The following SPRY3 variants were observed in gnomAD, a reference collection of about 807,000 sequenced individuals.
SPRY3 encodes sprouty RTK signaling antagonist 3, also known as protein sprouty homolog 3.
In SPRY3, 15 loss-of-function variants were observed where a neutral mutation model predicts 20.2. The ratio of observed to expected loss-of-function variants is 0.74; its 90% CI spans 0.50 to 1.14. The LOEUF (loss-of-function observed/expected upper bound fraction) is 1.14. Ranked by LOEUF, SPRY3 falls within the 50% of genes most tolerant of loss-of-function variation. The pLI is 0.00. For missense variants in SPRY3, 364 were observed against 363.9 expected, an observed-to-expected ratio of 1.00 and a Z score of 0.00; for synonymous variants, 143 against 136.5, an observed-to-expected ratio of 1.05 and a Z score of -0.33.
intron 2 of SPRY3, among the ~76,000 whole-genome samples, chrX:155,672,347 T>C (rs1462066818): frequency 5.5e-5 from 6 of 109,224 alleles, no homozygotes; most frequent in South Asian, 3.9e-4. Flanking sequence ...GAATCTACAA[T>C]GAACTCAAAC....
intron 2 of SPRY3, among the ~76,000 whole-genome samples, chrX:155,680,340 T>C: frequency 9.1e-6 from 1 of 109,678 alleles, no homozygotes; most frequent in Non-Finnish European, 1.9e-5. Context: ...TTAAGGTTAC[T>C]AAAATCACCA....
chrX:155,671,377 T>A (rs888992272), intron 2 of SPRY3, among the ~76,000 whole-genome samples: 3 of 110,716 alleles, frequency 2.7e-5, no homozygotes, highest in Non-Finnish European at 5.7e-5. Flanking sequence ...CTTCTCCCAA[T>A]GTCCAGGGGA....
At chrX:155,722,795 A>G (rs1363332664) in intron 2 of SPRY3, among the ~76,000 whole-genome samples, 6 of 148,304 alleles carry the variant, frequency 4.0e-5, no homozygotes, top group Non-Finnish European at 8.9e-5. Flanking sequence ...ACTTCACCAT[A>G]TATATATATA....
chrX:155,774,357 C>T (rs1799458727), exon 4 of SPRY3: 2 of 1,613,900 alleles, frequency 1.2e-6, no homozygotes, highest in African/African-American at 2.7e-5. Context: ...CAGCAGCTCG[C>T]CCTCTCCCCT....
intron 2 of SPRY3, among the ~76,000 whole-genome samples, chrX:155,679,277 A>C (rs1182738737): frequency 1.8e-5 from 2 of 112,076 alleles, no homozygotes; most frequent in African/African-American, 3.2e-5. Flanking sequence ...CAATCTATTC[A>C]TGATGCTATA....
At chrX:155,738,688 T>A (rs1043662347) in intron 2 of SPRY3, among the ~76,000 whole-genome samples, 1 of 152,110 alleles carries the variant, frequency 6.6e-6, no homozygotes, top group African/African-American at 2.4e-5. Context: ...GAAACCACGC[T>A]TTTCCCACAG....
At chrX:155,730,864 C>T (rs1238023770) in intron 2 of SPRY3, among the ~76,000 whole-genome samples, 1 of 151,878 alleles carries the variant, frequency 6.6e-6, no homozygotes, top group Non-Finnish European at 1.5e-5. Flanking sequence ...TACTATATGC[C>T]AACAGTGAAC....
chrX:155,747,554 C>G (rs187693322), intron 2 of SPRY3, among the ~76,000 whole-genome samples: 86 of 152,070 alleles, frequency 5.7e-4, no homozygotes, highest in African/African-American at 2.0e-3. Context: ...AAGCTACCAG[C>G]CCTATGCAGT....
intron 2 of SPRY3, among the ~76,000 whole-genome samples, chrX:155,759,523 A>T (rs967750199): frequency 2.6e-5 from 4 of 152,006 alleles, no homozygotes; most frequent in Non-Finnish European, 5.9e-5. Flanking sequence ...AACTAATAAC[A>T]TATCGCTATA....
intron 2 of SPRY3, among the ~76,000 whole-genome samples, chrX:155,699,861 C>A (rs1439900069): frequency 1.8e-5 from 2 of 110,211 alleles, no homozygotes; most frequent in Non-Finnish European, 3.8e-5. Flanking sequence ...CCCAAACTAC[C>A]ATCAAGCTAA....
intron 2 of SPRY3, among the ~76,000 whole-genome samples, chrX:155,682,649 T>C (rs758405747): frequency 8.9e-6 from 1 of 112,142 alleles, no homozygotes; most frequent in African/African-American, 3.2e-5. Flanking sequence ...GCCTCCTGAG[T>C]ATCTGGGACT....
chrX:155,654,717 G>A (rs1557352813), intron 1 of SPRY3, among the ~76,000 whole-genome samples: 1 of 107,968 alleles, frequency 9.3e-6, no homozygotes, highest in East Asian at 2.9e-4. Context: ...GTGTGTGTGT[G>A]TGTGTGTGTG....
chrX:155,714,341 C>T (rs2091006783), intron 2 of SPRY3, among the ~76,000 whole-genome samples: 1 of 152,106 alleles, frequency 6.6e-6, no homozygotes, highest in South Asian at 2.1e-4. Context: ...TCTGTCTGTC[C>T]TTCTTAGGAA....
At chrX:155,621,663 C>T (rs2067871334) in intron 1 of SPRY3, among the ~76,000 whole-genome samples, 1 of 111,745 alleles carries the variant, frequency 8.9e-6, no homozygotes, top group African/African-American at 3.3e-5. Context: ...CTCTGGTAGT[C>T]AGGGTGATAT....
chrX:155,767,156 A>G (rs1016354053), intron 2 of SPRY3, among the ~76,000 whole-genome samples: 2 of 151,872 alleles, frequency 1.3e-5, no homozygotes, highest in Non-Finnish European at 2.9e-5. Context: ...GGTCGATTCA[A>G]TTTCATCTGG....
chrX:155,717,485 C>T (rs1198892303), intron 2 of SPRY3, among the ~76,000 whole-genome samples: 3 of 152,052 alleles, frequency 2.0e-5, no homozygotes, highest in African/African-American at 7.2e-5. Context: ...GTTTGCTGCA[C>T]CCATCAACCT....
At chrX:155,730,187 A>G (rs2091124050) in intron 2 of SPRY3, among the ~76,000 whole-genome samples, 1 of 152,172 alleles carries the variant, frequency 6.6e-6, no homozygotes, top group African/African-American at 2.4e-5. Context: ...GACTCATTCT[A>G]TGAGCCATAT....
intron 2 of SPRY3, among the ~76,000 whole-genome samples, chrX:155,692,806 T>C (rs981191006): frequency 2.7e-5 from 3 of 111,759 alleles, no homozygotes; most frequent in African/African-American, 9.7e-5. Context: ...AATTGTCAAA[T>C]ATTCTAACAT....
chrX:155,742,513 T>C (rs1259839454), intron 2 of SPRY3, among the ~76,000 whole-genome samples: 1 of 152,174 alleles, frequency 6.6e-6, no homozygotes, highest in Admixed American at 6.5e-5. Flanking sequence ...TCTACTGAAC[T>C]CTTCACCCAA....
Sources: gnomAD v4.1 joint callset for allele counts (sites outside exome capture counted in the v4.1 genomes callset) on GRCh38, gnomAD v4.1.1 for gene constraint, MANE v1.5 for transcripts, NCBI Gene and HGNC (gene_info 2026-07-23, HGNC 2026-07-21) for gene names.